ZNF292: variants seen among roughly 807,000 people sequenced by gnomAD.
ZNF292 encodes the protein 16 zinc-finger domain protein.
A neutral mutation model predicts 217.9 loss-of-function variants in ZNF292; 26 were observed. The ratio of observed to expected loss-of-function variants is 0.12; its 90% CI spans 0.09 to 0.17. The LOEUF (loss-of-function observed/expected upper bound fraction) is 0.17. ZNF292 is among the 10% of genes least tolerant of loss of function. The probability of loss-of-function intolerance (pLI) is 1.00; values close to 1 mark genes in which losing one functional copy is unlikely to be tolerated. For missense variants in ZNF292, 2,904 were observed against 3,175.2 expected, an observed-to-expected ratio of 0.91 and a Z score of 2.05; for synonymous variants, 1,257 against 1,124.1, an observed-to-expected ratio of 1.12 and a Z score of -2.37.
chr6:87,251,358 AAC>A (rs1774911307), intron 7 of ZNF292, among the ~76,000 whole-genome samples: 1 of 152,214 alleles, frequency 6.6e-6, no homozygotes, highest in South Asian at 2.1e-4. Context: ...TTACATGGGA[AAC>A]TGAAAGCAAC....
chr6:87,230,036 A>G lies in ZNF292; in HGVS notation c.539-3289A>G, dbSNP rs576985401. Among the ~76,000 whole-genome samples the G allele has an allele frequency of 2.6e-5, 4 of 152,314 alleles. No homozygotes were observed. The South Asian group carries it at 8.3e-4, about 32-fold the overall frequency. ...AGTTAATGGAATTGAGTATTTAGGC[A>G]TTGGAAGTGACACAACTAGGTGATA... is the stretch of plus-strand genomic sequence containing the variant. On this transcript the variant is annotated intron_variant, in intron 4 of 7. Coordinates refer to ENST00000369577, the MANE Select transcript of ZNF292 (RefSeq NM_015021.3).
intron 1 of ZNF292, among the ~76,000 whole-genome samples, chr6:87,208,892 A>G (rs751959201): frequency 3.3e-5 from 5 of 152,190 alleles, no homozygotes; most frequent in African/African-American, 7.2e-5. Flanking sequence ...CTTGCTGTCT[A>G]TAGGGAGTAT....
chr6:87,187,414 CTG>C (rs34091673), intron 1 of ZNF292, among the ~76,000 whole-genome samples: 56,779 of 151,782 alleles, frequency 0.37, 11,124 homozygotes, highest in Admixed American at 0.52. Flanking sequence ...TGAACCCACT[CTG>C]TGGTCAAATG....
At chr6:87,209,707 A>G (rs1772401292) in intron 1 of ZNF292, among the ~76,000 whole-genome samples, 1 of 152,200 alleles carries the variant, frequency 6.6e-6, no homozygotes, top group South Asian at 2.1e-4. Context: ...CAGAAAATGC[A>G]TTTTTATTAA....
intron 1 of ZNF292, among the ~76,000 whole-genome samples, chr6:87,160,470 C>T (rs1044142893): frequency 2.1e-5 from 3 of 143,258 alleles, no homozygotes; most frequent in African/African-American, 5.5e-5. Context: ...TGTATACATA[C>T]GTACATGTGT....
Position 87,254,932 on chromosome 6 carries a change from G to A in ZNF292, c.1303G>A (p.Val435Ile). 1 of 1,613,784 alleles carries A rather than the reference G, an allele frequency of 6.2e-7. No homozygotes were observed. Among genetic ancestry groups the A allele is most frequent in the Non-Finnish European group, 8.5e-7 (1 of 1,179,832 alleles). The change falls in exon 8 of 8, where the codon GTA (valine) becomes ATA (isoleucine). Residue 435 changes from valine (V) to isoleucine (I), a missense_variant. Val to Ile is a conservative substitution (Grantham distance 29). Around this residue, in one of 15 missense-constraint regions of ZNF292, gnomAD observed 15 missense variants for 46.8 expected, o/e 0.32. Coordinates refer to ENST00000369577, the MANE Select transcript of ZNF292 (RefSeq NM_015021.3). ...PNSLRCELLL[V>I]LKTQWPFDPE... ...TTCTTTACGCTGTGAGCTGTTACTT[G>A]TATTGAAAACTCAATGGCCCTTTGA...
chr6:87,233,452 C>T lies in ZNF292; in HGVS notation c.666C>T (p.Gly222=). ...AKLCSDHPEI[G]IKGSFKQTYL... ...TGTGTTCTGACCATCCAGAGATTGG[C>T]ATAAAAGGTAGTTTTAAGCAAACTT... The change falls in exon 5 of 8, where the codon GGC becomes GGT. Residue 222 remains glycine, a synonymous_variant. Transcript: ENST00000369577. 6.2e-7 allele frequency: 1 copy of T among 1,613,556 alleles called. No individual in the cohort carries two copies. The highest frequency in any genetic ancestry group is 1.1e-5 in the South Asian group (1 of 91,048).
chr6:87,251,812 T>A (rs1774933280), intron 7 of ZNF292, among the ~76,000 whole-genome samples: 2 of 152,236 alleles, frequency 1.3e-5, no homozygotes, highest in African/African-American at 4.8e-5. Context: ...TTCTTTTGTT[T>A]CATTGTCATT....
intron 7 of ZNF292, among the ~76,000 whole-genome samples, chr6:87,252,478 C>A (rs1774970604): frequency 6.6e-6 from 1 of 152,120 alleles, no homozygotes; most frequent in African/African-American, 2.4e-5. Context: ...TTTAAAATTT[C>A]TCCATCATTT....
chr6:87,163,071 C>T (rs1770804705), intron 1 of ZNF292, among the ~76,000 whole-genome samples: 1 of 152,096 alleles, frequency 6.6e-6, no homozygotes, highest in South Asian at 2.1e-4. Flanking sequence ...AAAAATGTTA[C>T]CTTTTCCCCC....
chr6:87,221,758 CTT>C (rs1179948516), intron 4 of ZNF292, among the ~76,000 whole-genome samples: 1 of 152,072 alleles, frequency 6.6e-6, no homozygotes, highest in Non-Finnish European at 1.5e-5. Context: ...CGTGATTCCT[CTT>C]TTTTGAGTGC....
intron 1 of ZNF292, among the ~76,000 whole-genome samples, chr6:87,193,191 A>G (rs1771866083): frequency 6.6e-6 from 1 of 152,066 alleles, no homozygotes; most frequent in Admixed American, 6.6e-5. Context: ...AATGCTCCAA[A>G]ATCTTAAAGT....
At chr6:87,207,159 C>T (rs893539022) in intron 1 of ZNF292, among the ~76,000 whole-genome samples, 1 of 152,204 alleles carries the variant, frequency 6.6e-6, no homozygotes, top group African/African-American at 2.4e-5. Flanking sequence ...CAGTTGTCTG[C>T]TTTCACCTAA....
rs1350040809 is a variant in ZNF292, at chr6:87,258,876, C to T, written c.5247C>T (p.Asp1749=). The change falls in exon 8 of 8, where the codon GAC becomes GAT. Residue 1749 remains aspartate, a synonymous_variant. Coordinates refer to ENST00000369577, the MANE Select transcript of ZNF292 (RefSeq NM_015021.3). ...SINSDLQISE[D]NVIQNFEKTL... ...ATTCTGATTTGCAGATTTCTGAAGA[C>T]AATGTTATACAAAACTTTGAAAAGA... 1.2e-6 allele frequency: 2 copies of T among 1,607,134 alleles called. No homozygotes were observed. Among genetic ancestry groups the T allele is most frequent in the South Asian group, 1.1e-5 (1 of 90,346 alleles).
At chr6:87,203,604 G>T (rs904070979) in intron 1 of ZNF292, among the ~76,000 whole-genome samples, 1 of 151,330 alleles carries the variant, frequency 6.6e-6, no homozygotes, top group South Asian at 2.1e-4. Context: ...GCAAGGGGGG[G>T]TGGGGTGCTG....
intron 1 of ZNF292, among the ~76,000 whole-genome samples, chr6:87,189,064 A>G (rs1771747913): frequency 6.6e-6 from 1 of 151,836 alleles, no homozygotes. Context: ...AATTAGCTGG[A>G]TAAGGTGGCG....
At chr6:87,247,298 T>C (rs1388053622) in intron 7 of ZNF292, among the ~76,000 whole-genome samples, 1 of 149,440 alleles carries the variant, frequency 6.7e-6, no homozygotes, top group Non-Finnish European at 1.5e-5. Flanking sequence ...CGCACGTGCA[T>C]GCATGCATGC....
chr6:87,245,235 C>T (rs972618532), intron 6 of ZNF292, among the ~76,000 whole-genome samples: 22 of 149,428 alleles, frequency 1.5e-4, no homozygotes, highest in African/African-American at 4.7e-4. Flanking sequence ...GAGACTGTCT[C>T]AGAAAAAAAA....
chr6:87,232,383 G>A (rs1035423510), intron 4 of ZNF292, among the ~76,000 whole-genome samples: 8 of 152,086 alleles, frequency 5.3e-5, no homozygotes, highest in African/African-American at 1.9e-4. Context: ...CTTTCAGTCT[G>A]TTAACAAGCA....
Sources: gnomAD v4.1 joint callset for allele counts (sites outside exome capture counted in the v4.1 genomes callset) on GRCh38, gnomAD v4.1.1 for gene constraint, gnomAD v4.1.1 regional missense constraint, MANE v1.5 for transcripts, NCBI Gene and HGNC (gene_info 2026-07-23, HGNC 2026-07-21) for gene names.